Variants in RELN observed in about 807,000 individuals in gnomAD.
RELN encodes the protein reelin.
RELN carries 108 observed loss-of-function variants against 427.6 expected under a neutral mutation model. The ratio of observed to expected loss-of-function variants is 0.25; its 90% CI spans 0.22 to 0.30. The LOEUF is 0.30. Ranked by LOEUF, RELN falls within the 10% of genes least tolerant of loss-of-function variation. RELN has a pLI of 1.00. For synonymous variants in RELN, 1,524 were observed against 1,513.4 expected (o/e 1.01, Z -0.16); for missense variants, 3,715 against 4,302.8 (o/e 0.86, Z 3.82).
intron 8 of RELN, among the ~76,000 whole-genome samples, chr7:103,722,919 C>T (rs1308160433): frequency 6.6e-6 from 1 of 152,112 alleles, no homozygotes; most frequent in African/African-American, 2.4e-5. Flanking sequence ...GAATTATCTG[C>T]AGTATTTTTA....
intron 3 of RELN, among the ~76,000 whole-genome samples, chr7:103,783,984 A>G (rs1791956875): frequency 6.6e-6 from 1 of 152,124 alleles, no homozygotes; most frequent in Non-Finnish European, 1.5e-5. Context: ...GTAACAGCAA[A>G]GAGAAGGAGA....
intron 4 of RELN, among the ~76,000 whole-genome samples, chr7:103,757,076 C>A (rs527967151): frequency 5.3e-5 from 8 of 152,196 alleles, no homozygotes; most frequent in Non-Finnish European, 1.2e-4. Context: ...ATTAAAGTAG[C>A]CTGAGGAAGA....
intron 11 of RELN, among the ~76,000 whole-genome samples, chr7:103,673,032 C>A (rs1388494125): frequency 6.6e-6 from 1 of 152,030 alleles, no homozygotes; most frequent in African/African-American, 2.4e-5. Context: ...TTAAGTCTCT[C>A]ATAAGGGCAA....
intron 2 of RELN, among the ~76,000 whole-genome samples, chr7:103,847,796 T>C (rs1456406804): frequency 6.6e-6 from 1 of 152,192 alleles, no homozygotes; most frequent in Non-Finnish European, 1.5e-5. Flanking sequence ...TGAGTTTCTG[T>C]GGCCTGCATA....
chr7:103,683,270 A>G (rs1833692745), intron 10 of RELN, among the ~76,000 whole-genome samples: 1 of 152,186 alleles, frequency 6.6e-6, no homozygotes. Flanking sequence ...GTTCCTTGTT[A>G]TATTCCAGGT....
At chr7:103,795,337 G>T (rs1432174048) in intron 3 of RELN, among the ~76,000 whole-genome samples, 6 of 152,156 alleles carry the variant, frequency 3.9e-5, no homozygotes, top group Admixed American at 1.3e-4. Context: ...ACAGCCCTTA[G>T]GCTTGGGCAA....
At chr7:103,920,245 T>G (rs1389356414) in intron 1 of RELN, among the ~76,000 whole-genome samples, 2 of 152,196 alleles carry the variant, frequency 1.3e-5, no homozygotes, top group Non-Finnish European at 2.9e-5. Flanking sequence ...TAGACTTGCA[T>G]AAGTAGAAGT....
chr7:103,662,339 C>T (rs1378714365), intron 11 of RELN, among the ~76,000 whole-genome samples: 1 of 152,090 alleles, frequency 6.6e-6, no homozygotes, highest in Non-Finnish European at 1.5e-5. Context: ...ATGGGAATGA[C>T]CAGCAGGCAT....
In RELN at chr7:103,661,544, A is replaced by G; in HGVS notation, c.1290-17T>C. Reference sequence around the variant, plus strand: ...ACATCCCATCTAAAAAAAAAGGGGGATTAAGAGTTAGAGTTAGAATATTAA... The same window carrying G: ...ACATCCCATCTAAAAAAAAAGGGGGGTTAAGAGTTAGAGTTAGAATATTAA... On this transcript the variant is annotated splice_polypyrimidine_tract_variant and intron_variant, in intron 11 of 64. Transcript: ENST00000428762. The G allele has an allele frequency of 6.2e-7, 1 of 1,612,104 alleles. No individual in the cohort carries two copies. The highest frequency in any genetic ancestry group is 8.5e-7 in the Non-Finnish European group (1 of 1,178,670).
chr7:103,880,851 C>T (rs117554660), intron 2 of RELN, among the ~76,000 whole-genome samples: 2,071 of 152,132 alleles, frequency 0.014, 30 homozygotes, highest in African/African-American at 0.033. Flanking sequence ...TGCCACCATG[C>T]GCAGCTAATT....
intron 3 of RELN, among the ~76,000 whole-genome samples, chr7:103,811,688 G>A (rs1792746955): frequency 6.6e-6 from 1 of 152,132 alleles, no homozygotes; most frequent in South Asian, 2.1e-4. Context: ...AATGCCTCTA[G>A]TACAATATTA....
intron 2 of RELN, among the ~76,000 whole-genome samples, chr7:103,867,319 T>C (rs528807059): frequency 3.3e-5 from 5 of 151,818 alleles, no homozygotes; most frequent in Non-Finnish European, 5.9e-5. Context: ...AGTTTGATAA[T>C]AGTTCCCCAA....
At chr7:103,694,093 GA>G (rs1833927990) in intron 10 of RELN, among the ~76,000 whole-genome samples, 1 of 152,114 alleles carries the variant, frequency 6.6e-6, no homozygotes, top group Non-Finnish European at 1.5e-5. Flanking sequence ...TCTTCTGGAG[GA>G]AGGAACAGGT....
Position 103,953,133 on chromosome 7 carries a change from A to G in RELN, c.227-35948T>C, listed in dbSNP as rs983322593. The stretch of plus-strand genomic sequence containing the variant: ...AGCTCCAAGATTCCTGCTCACTTCA[A>G]AGAGATATTTGCTCCAAGATCAGCA... On this transcript the variant is annotated intron_variant, in intron 1 of 64. Transcript: ENST00000428762. This position sits in a 1 kb window ranked among gnomAD's most constrained non-coding sequence, Gnocchi z 4.3. Among the ~76,000 whole-genome samples, 7 of 152,152 alleles carry G rather than the reference A, an allele frequency of 4.6e-5. No homozygotes were observed. Among genetic ancestry groups the G allele is most frequent in the Non-Finnish European group, 1.0e-4 (7 of 68,018 alleles).
At chr7:103,677,289 A>G (rs1189864709) in intron 11 of RELN, among the ~76,000 whole-genome samples, 2 of 151,544 alleles carry the variant, frequency 1.3e-5, no homozygotes, top group African/African-American at 4.8e-5. Context: ...GAGGGATAAC[A>G]TTAGGAGAAA....
intron 4 of RELN, among the ~76,000 whole-genome samples, chr7:103,753,510 C>T (rs754393742): frequency 6.6e-6 from 1 of 152,092 alleles, no homozygotes; most frequent in Non-Finnish European, 1.5e-5. Flanking sequence ...GAATACTTGC[C>T]AATTATCCAA....
chr7:103,819,069 C>A (rs939578132), intron 3 of RELN, among the ~76,000 whole-genome samples: 4 of 152,046 alleles, frequency 2.6e-5, no homozygotes, highest in Non-Finnish European at 5.9e-5. Context: ...TATGCGTGTG[C>A]ACATGTGCAG....
intron 1 of RELN, among the ~76,000 whole-genome samples, chr7:103,970,753 C>G (rs146634368): frequency 6.6e-6 from 1 of 152,336 alleles, no homozygotes; most frequent in East Asian, 1.9e-4. Context: ...TGACAGGAAC[C>G]TAACTCTACA....
At chr7:103,698,233 C>T (rs1834019397) in intron 9 of RELN, 140 bp from the exon 10 acceptor site, 4 of 1,051,074 alleles carry the variant, frequency 3.8e-6, no homozygotes, top group Admixed American at 2.0e-5. Flanking sequence ...AATCTCATAG[C>T]CCTTAAATCT....
Sources: allele counts gnomAD v4.1 joint callset (sites outside exome capture counted in the v4.1 genomes callset), GRCh38; gene constraint gnomAD v4.1.1; non-coding constraint Gnocchi (gnomAD v3.1); transcripts MANE v1.5; gene names NCBI Gene and HGNC (gene_info 2026-07-23, HGNC 2026-07-21).